VPS13B: variants seen among roughly 807,000 people sequenced by gnomAD.
The protein encoded by VPS13B is intermembrane lipid transfer protein VPS13B.
A neutral mutation model predicts 426.4 loss-of-function variants in VPS13B; 285 were observed. The observed-to-expected ratio is 0.67, with a 90% CI of 0.61 to 0.74. The LOEUF (loss-of-function observed/expected upper bound fraction) is 0.74. VPS13B is among the 30% of genes least tolerant of loss of function. The pLI, the probability that VPS13B is intolerant of heterozygous loss-of-function variation, is 0.00. For missense variants in VPS13B, 4,537 were observed against 4,782.6 expected, an observed-to-expected ratio of 0.95 and a Z score of 1.51; for synonymous variants, 1,676 against 1,676.4, an observed-to-expected ratio of 1.00 and a Z score of 0.01.
At position 99,121,377 on chromosome 8, in the gene VPS13B, G is replaced by C; in HGVS notation, c.1138G>C (p.Ala380Pro). The C allele has an allele frequency of 6.2e-7, 1 of 1,614,174 alleles. No individual in the cohort carries two copies. Among genetic ancestry groups the C allele is most frequent in the Non-Finnish European group, 8.5e-7 (1 of 1,180,018 alleles). The change falls in exon 8 of 62, where the codon GCA becomes CCA. Residue 380 changes from alanine to proline, a missense_variant. Physicochemically the swap from Ala to Pro is conservative, Grantham distance 27. This residue lies in a region of VPS13B where 4,311 missense variants were observed against 4,474.3 expected (regional missense o/e 0.96). Coordinates refer to ENST00000357162, the MANE Select transcript of VPS13B (RefSeq NM_152564.5). Reference protein sequence around the residue: ...DPASTMHQQKAQTLKDPIVSI... With the variant: ...DPASTMHQQKPQTLKDPIVSI... ...TGCATCAACCATGCATCAACAAAAA[G>C]CACAGACTTTGAAGGATCCTATTGT...
At chr8:99,030,646 A>G (rs1842468062) in intron 2 of VPS13B, among the ~76,000 whole-genome samples, 1 of 152,196 alleles carries the variant, frequency 6.6e-6, no homozygotes, top group African/African-American at 2.4e-5. Context: ...AAAGTATATG[A>G]TAATCATACA....
chr8:99,287,987 G>A (rs1819535593), intron 19 of VPS13B, among the ~76,000 whole-genome samples: 2 of 151,944 alleles, frequency 1.3e-5, no homozygotes, highest in South Asian at 4.1e-4. Flanking sequence ...AATCCAAGAT[G>A]CGTTTGAAAG....
intron 17 of VPS13B, among the ~76,000 whole-genome samples, chr8:99,202,875 A>G (rs1814424815): frequency 6.6e-6 from 1 of 151,850 alleles, no homozygotes; most frequent in Non-Finnish European, 1.5e-5. Context: ...TAAAAAAAAA[A>G]TACAAAAAAT....
intron 15 of VPS13B, among the ~76,000 whole-genome samples, chr8:99,168,885 T>G (rs1460062496): frequency 1.3e-5 from 2 of 152,056 alleles, no homozygotes; most frequent in Non-Finnish European, 2.9e-5. Context: ...TAAAAAATGT[T>G]TTATTTCTAA....
intron 33 of VPS13B, among the ~76,000 whole-genome samples, chr8:99,608,729 G>A (rs1190765479): frequency 6.6e-6 from 1 of 152,078 alleles, no homozygotes; most frequent in Non-Finnish European, 1.5e-5. Context: ...CTGGGCATTT[G>A]ATGTAAATGG....
chr8:99,755,553 T>G (rs1810599344), intron 39 of VPS13B, among the ~76,000 whole-genome samples: 1 of 152,150 alleles, frequency 6.6e-6, no homozygotes, highest in South Asian at 2.1e-4. Context: ...GCAGATCACC[T>G]GAGGTCAGGA....
chr8:99,716,096 T>C (rs1383956700), intron 36 of VPS13B, among the ~76,000 whole-genome samples: 4 of 152,158 alleles, frequency 2.6e-5, no homozygotes, highest in Admixed American at 6.5e-5. Flanking sequence ...TTTTAAGAAA[T>C]TGATTTCCAC....
intron 33 of VPS13B, among the ~76,000 whole-genome samples, chr8:99,624,392 C>T (rs138266531): frequency 1.6e-4 from 24 of 152,074 alleles, no homozygotes; most frequent in Non-Finnish European, 2.6e-4. Flanking sequence ...TTTAGAAGAG[C>T]GCCAAAGTGT....
rs1166850181 is a variant in VPS13B, at chr8:99,431,641, G to A, written c.3187G>A (p.Ala1063Thr). 1 of 1,613,270 alleles carries A rather than the reference G, an allele frequency of 6.2e-7. No individual in the cohort carries two copies. The highest frequency in any genetic ancestry group is 8.5e-7 in the Non-Finnish European group (1 of 1,179,616). The stretch of plus-strand genomic sequence containing the variant: ...GGAATTTATTGGAATTGTTTGGAAT[G>A]CAGTGAAGCATCTCACACTACAGGT... ...MKEFIGIVWN[A>T]VKHLTLQLEV... The change falls in exon 22 of 62, where the codon GCA (alanine) becomes ACA (threonine). Residue 1063 changes from alanine (A) to threonine (T), a missense_variant. Physicochemically the swap from Ala to Thr is moderately conservative, Grantham distance 58. This residue lies in a region of VPS13B where 4,311 missense variants were observed against 4,474.3 expected (regional missense o/e 0.96). Coordinates refer to ENST00000357162, the MANE Select transcript of VPS13B (RefSeq NM_152564.5).
Position 99,090,627 on chromosome 8 carries a change from G to A in VPS13B, c.292-5685G>A, listed in dbSNP as rs577761300. On this transcript the variant is annotated intron_variant, in intron 3 of 61. Transcript: ENST00000357162. ...TAGGTTTTGTTATTTGAGTAAATAG[G>A]TAAAATACTTAGATAAAGGTATCAA... 3.0e-3 allele frequency among the ~76,000 whole-genome samples: 454 copies of A among 152,122 alleles called. 4 individuals carry two copies. The highest frequency in any genetic ancestry group is 6.8e-3 in the Middle Eastern group (2 of 294).
intron 39 of VPS13B, among the ~76,000 whole-genome samples, chr8:99,758,914 C>G (rs1420346116): frequency 6.6e-6 from 1 of 152,150 alleles, no homozygotes; most frequent in Non-Finnish European, 1.5e-5. Context: ...TGTGGAGGCT[C>G]TCACGTTCTT....
In VPS13B at chr8:99,202,530, A is replaced by G. The variant is rs149220577; in HGVS notation, c.2515+9473A>G. Among the ~76,000 whole-genome samples, 951 of 152,272 alleles carry G rather than the reference A, an allele frequency of 6.2e-3. 7 individuals are homozygous for G. Among genetic ancestry groups the G allele is most frequent in the African/African-American group, 0.021 (892 of 41,562 alleles). ...AAATCCATGAATAGACCCAATAACA[A>G]TTTCTGAAATTAAGGCAGTAATTAA... is the stretch of plus-strand genomic sequence containing the variant. On this transcript the variant is annotated intron_variant, in intron 17 of 61. Transcript: ENST00000357162.
chr8:99,607,750 C>G (rs562018772), intron 33 of VPS13B, among the ~76,000 whole-genome samples: 20 of 152,070 alleles, frequency 1.3e-4, no homozygotes, highest in African/African-American at 4.6e-4. Context: ...TGTTTATTAG[C>G]TATAACCTAA....
intron 8 of VPS13B, among the ~76,000 whole-genome samples, chr8:99,130,897 T>G (rs541579894): frequency 5.3e-4 from 81 of 152,280 alleles, no homozygotes; most frequent in African/African-American, 1.9e-3. Flanking sequence ...AGCTTTATTA[T>G]AAAGAATGAG....
intron 17 of VPS13B, among the ~76,000 whole-genome samples, chr8:99,215,867 A>G (rs933388436): frequency 1.3e-5 from 2 of 152,174 alleles, no homozygotes; most frequent in Non-Finnish European, 2.9e-5. Flanking sequence ...GGGGAAGGCA[A>G]CTTCCCAGAC....
At chr8:99,652,820 T>C (rs1829875685) in intron 34 of VPS13B, among the ~76,000 whole-genome samples, 3 of 152,208 alleles carry the variant, frequency 2.0e-5, no homozygotes, top group African/African-American at 7.2e-5. Flanking sequence ...GAAATTTAGC[T>C]GCTGTGAACA....
At chr8:99,085,444 G>T (rs1024932380) in intron 3 of VPS13B, among the ~76,000 whole-genome samples, 1 of 152,162 alleles carries the variant, frequency 6.6e-6, no homozygotes, top group African/African-American at 2.4e-5. Context: ...GGAGCATTTA[G>T]CCCATTTACA....
At chr8:99,524,837 C>T (rs1381376253) in intron 30 of VPS13B, among the ~76,000 whole-genome samples, 2 of 152,124 alleles carry the variant, frequency 1.3e-5, no homozygotes, top group Non-Finnish European at 2.9e-5. Flanking sequence ...GTATGTCTGG[C>T]AGCAGACTTT....
At chr8:99,774,904 T>G (rs192175793) in intron 40 of VPS13B, among the ~76,000 whole-genome samples, 1 of 152,358 alleles carries the variant, frequency 6.6e-6, no homozygotes, top group Non-Finnish European at 1.5e-5. Context: ...TGCTCCAGAG[T>G]CTGTTTTCTT....
Sources: allele counts gnomAD v4.1 joint callset (sites outside exome capture counted in the v4.1 genomes callset), GRCh38; gene constraint gnomAD v4.1.1; regional missense constraint gnomAD v4.1.1; transcripts MANE v1.5; gene names NCBI Gene and HGNC (gene_info 2026-07-23, HGNC 2026-07-21).